Variants in AKAP7 observed in about 807,000 individuals in gnomAD.
AKAP7 encodes A kinase (PRKA) anchor protein 7.
In AKAP7, 39 loss-of-function variants were observed where a neutral mutation model predicts 39.5. The ratio of observed to expected loss-of-function variants is 0.99; its 90% CI spans 0.76 to 1.29. The LOEUF (loss-of-function observed/expected upper bound fraction) is 1.29. AKAP7 is among the 50% of genes most tolerant of loss of function. The probability of loss-of-function intolerance (pLI) is 0.00; values close to 1 mark genes in which losing one functional copy is unlikely to be tolerated. For synonymous variants in AKAP7, 140 were observed against 139.1 expected, an observed-to-expected ratio of 1.01 and a Z score of -0.05; for missense variants, 414 against 407.7, an observed-to-expected ratio of 1.02 and a Z score of -0.13.
At position 131,240,702 on chromosome 6, in the gene AKAP7, G is replaced by A. The variant is rs186617895; in HGVS notation, c.850+20894G>A. 6.3e-3 allele frequency among the ~76,000 whole-genome samples: 955 copies of A among 152,332 alleles called. 7 individuals carry two copies. The highest frequency in any genetic ancestry group is 0.011 in the Non-Finnish European group (725 of 68,026). Reference sequence around the variant, plus strand: ...AGGCTCCATGGGTGTAGGACCCGCCGAGCCAGGCGCAGGATATAATCTCCT... The same window carrying A: ...AGGCTCCATGGGTGTAGGACCCGCCAAGCCAGGCGCAGGATATAATCTCCT... On this transcript the variant is annotated intron_variant, in intron 7 of 7. Coordinates refer to ENST00000431975, the MANE Select transcript of AKAP7 (RefSeq NM_016377.4).
intron 6 of AKAP7, among the ~76,000 whole-genome samples, chr6:131,201,333 AGT>A (rs1210649063): frequency 6.6e-6 from 1 of 152,214 alleles, no homozygotes; most frequent in East Asian, 1.9e-4. Context: ...CTGGGCACAG[AGT>A]GGTGATCAAA....
In AKAP7 at chr6:131,282,757, T is replaced by G. The variant is rs1815304542; in HGVS notation, c.*1031T>G. The G allele has an allele frequency of 1.8e-6, 1 of 553,288 alleles. No individual in the cohort carries two copies. Among genetic ancestry groups the G allele is most frequent in the African/African-American group, 1.9e-5 (1 of 52,698 alleles). The allele number at this position is 553,288 out of a possible 1,614,324, so 34.3% of individuals were successfully genotyped here. A position where few individuals can be genotyped will look rare whatever the true frequency, so the allele number is the denominator to read the frequency against. Reference sequence around the variant, plus strand: ...TTAGCAATTTCTTGCCAAAGAAAATTGATTCTGCCCAATTATTTTTTGAGC... The same window carrying G: ...TTAGCAATTTCTTGCCAAAGAAAATGGATTCTGCCCAATTATTTTTTGAGC... On this transcript the variant is annotated 3_prime_UTR_variant, in exon 8 of 8. Transcript: ENST00000431975.
rs556472469 is a variant in AKAP7 at position 131,135,517 on chromosome 6, G to A, written c.-247G>A. 6.6e-3 allele frequency: 1,072 copies of A among 161,916 alleles called. 10 individuals carry two copies. The highest frequency in any genetic ancestry group is 0.025 in the African/African-American group (978 of 39,158). The allele number at this position is 161,916 out of a possible 1,614,324, so 10.0% of individuals were successfully genotyped here. ...GCATGCGGGTGCTGCGGCTGCTGCG[G>A]CTGCCGCCGCCGCTGCTGCCGCTGC... On this transcript the variant is annotated 5_prime_UTR_variant, in exon 1 of 8. Transcript: ENST00000431975.
rs367731509 is a variant in AKAP7, at chr6:131,275,137, TAAAC to T, written c.851-6389_851-6386del. Among the ~76,000 whole-genome samples the T allele has an allele frequency of 1.7e-3, 255 of 152,328 alleles. 1 individual carries two copies. The highest frequency in any genetic ancestry group is 3.9e-3 in the African/African-American group (164 of 41,574). On this transcript the variant is annotated intron_variant, in intron 7 of 7. Transcript: ENST00000431975. ...GGTGCTTACTAAAGTGTTGATTAAATAAACAAATAATTGGCATTTAGCAGGTATT... is the reference window on the plus strand; with the variant it reads ...GGTGCTTACTAAAGTGTTGATTAAATAAATAATTGGCATTTAGCAGGTATT...
chr6:131,190,471 A>G (rs1022204095), intron 5 of AKAP7, among the ~76,000 whole-genome samples: 13 of 151,968 alleles, frequency 8.6e-5, no homozygotes, highest in African/African-American at 1.7e-4. Context: ...GACAAAACCC[A>G]TAACTACTAA....
chr6:131,278,823 G>A (rs1814962476), intron 7 of AKAP7, among the ~76,000 whole-genome samples: 1 of 152,178 alleles, frequency 6.6e-6, no homozygotes, highest in Admixed American at 6.5e-5. Context: ...GGAGATTTGG[G>A]TGGGGACACA....
At chr6:131,159,949 GA>G in intron 2 of AKAP7, 109 bp from the exon 3 acceptor site, 1 of 1,043,288 alleles carries the variant, frequency 9.6e-7, no homozygotes, top group South Asian at 1.9e-5. Flanking sequence ...CTTTAGATTT[GA>G]AAATGACACT....
intron 1 of AKAP7, among the ~76,000 whole-genome samples, chr6:131,144,924 ATG>A (rs1801352940): frequency 6.6e-6 from 1 of 152,232 alleles, no homozygotes; most frequent in Admixed American, 6.5e-5. Flanking sequence ...AAAAATAAGA[ATG>A]AGAATGACTG....
At chr6:131,139,268 T>C (rs1174491318) in intron 1 of AKAP7, among the ~76,000 whole-genome samples, 5 of 152,236 alleles carry the variant, frequency 3.3e-5, no homozygotes, top group African/African-American at 1.2e-4. Flanking sequence ...TGGCACTCCT[T>C]TTTTTTGAGT....
chr6:131,175,581 G>A (rs1804498560), intron 5 of AKAP7, among the ~76,000 whole-genome samples: 1 of 152,164 alleles, frequency 6.6e-6, no homozygotes, highest in South Asian at 2.1e-4. Context: ...AACTAGTAAA[G>A]TCTAAATTGA....
chr6:131,191,198 A>C (rs1055958268), intron 5 of AKAP7, among the ~76,000 whole-genome samples: 1 of 152,222 alleles, frequency 6.6e-6, no homozygotes, highest in African/African-American at 2.4e-5. Context: ...ATGTAAAACC[A>C]TAAGACATCG....
chr6:131,166,905 T>C (rs1219373637), intron 4 of AKAP7, among the ~76,000 whole-genome samples: 3 of 152,194 alleles, frequency 2.0e-5, no homozygotes, highest in African/African-American at 7.2e-5. Context: ...GTTTTAGTTG[T>C]TTAATAGTAT....
Position 131,250,667 on chromosome 6 carries a change from C to T in AKAP7, c.850+30859C>T, listed in dbSNP as rs375070076. On this transcript the variant is annotated intron_variant, in intron 7 of 7. Coordinates refer to ENST00000431975, the MANE Select transcript of AKAP7 (RefSeq NM_016377.4). ...ATCCTAAGTGCTTGACTATTTTGTGCGGTTGTCTTCTAGGGGTAGTTTTGC... is the reference window on the plus strand; with the variant it reads ...ATCCTAAGTGCTTGACTATTTTGTGTGGTTGTCTTCTAGGGGTAGTTTTGC... The T allele has an allele frequency of 6.4e-5, 102 of 1,582,570 alleles. 2 individuals carry two copies. The highest frequency in any genetic ancestry group is 2.9e-4 in the East Asian group (13 of 44,398).
rs1341924129 is a variant in AKAP7 at position 131,165,205 on chromosome 6, A to G, written c.416A>G (p.Asp139Gly). Reference sequence around the variant, plus strand: ...CTGGTGATGCAATTATTAAATGAAGATGAAGTAAACATGTGAGTAATGTAT... The same window carrying G: ...CTGGTGATGCAATTATTAAATGAAGGTGAAGTAAACATGTGAGTAATGTAT... ...TLLVMQLLNE[D>G]EVNIGIDALL... The change falls in exon 4 of 8, where the codon GAT (aspartate) becomes GGT (glycine). Residue 139 changes from aspartate to glycine, a missense_variant. Coordinates refer to ENST00000431975, the MANE Select transcript of AKAP7 (RefSeq NM_016377.4). 1 of 1,606,510 alleles carries G rather than the reference A, an allele frequency of 6.2e-7. No individual in the cohort carries two copies.
intron 7 of AKAP7, among the ~76,000 whole-genome samples, chr6:131,237,153 G>A (rs1226950242): frequency 1.3e-5 from 2 of 152,048 alleles, no homozygotes; most frequent in Admixed American, 6.6e-5. Flanking sequence ...TTCTGCATCT[G>A]TTAAGATAAT....
intron 7 of AKAP7, among the ~76,000 whole-genome samples, chr6:131,223,871 C>G (rs1214098657): frequency 6.6e-6 from 1 of 152,118 alleles, no homozygotes; most frequent in Non-Finnish European, 1.5e-5. Flanking sequence ...CCTACCACCC[C>G]CCATCACTGT....
chr6:131,183,562 C>T (rs906684954), intron 5 of AKAP7, among the ~76,000 whole-genome samples: 5 of 152,072 alleles, frequency 3.3e-5, no homozygotes, highest in African/African-American at 4.8e-5. Flanking sequence ...TCCCCTCTCC[C>T]CACAAAACCA....
chr6:131,241,967 G>A, intron 7 of AKAP7: 2 of 814,302 alleles, frequency 2.5e-6, no homozygotes, highest in Non-Finnish European at 3.0e-6. Flanking sequence ...AGATAATGAG[G>A]GCTAAAGAAA....
intron 7 of AKAP7, among the ~76,000 whole-genome samples, chr6:131,226,187 A>G (rs995972944): frequency 6.6e-6 from 1 of 152,180 alleles, no homozygotes; most frequent in Admixed American, 6.5e-5. Flanking sequence ...TACACTGCCT[A>G]CTTGGCTCCT....
Sources: gnomAD v4.1 joint callset for allele counts (sites outside exome capture counted in the v4.1 genomes callset) on GRCh38, gnomAD v4.1.1 for gene constraint, MANE v1.5 for transcripts, NCBI Gene and HGNC (gene_info 2026-07-23, HGNC 2026-07-21) for gene names.